GALNT14: variants seen among roughly 807,000 people sequenced by gnomAD.
GALNT14 encodes polypeptide N-acetylgalactosaminyltransferase 14, also known as UDP-GalNAc:polypeptide N-acetylgalactosaminyltransferase 14.
A neutral mutation model predicts 77.5 loss-of-function variants in GALNT14; 60 were observed. That is an observed-to-expected ratio of 0.77 (90% confidence interval 0.63 to 0.96). The LOEUF (loss-of-function observed/expected upper bound fraction) is 0.96. GALNT14 is among the 40% of genes least tolerant of loss of function. GALNT14 has a pLI of 0.00. For missense variants in GALNT14, 710 were observed against 731.0 expected (o/e 0.97, Z 0.33); for synonymous variants, 280 against 281.7 (o/e 0.99, Z 0.06).
At chr2:30,929,901 C>T (rs1230755077) in intron 10 of GALNT14, among the ~76,000 whole-genome samples, 1 of 152,112 alleles carries the variant, frequency 6.6e-6, no homozygotes, top group Non-Finnish European at 1.5e-5. Flanking sequence ...GATATTTTTC[C>T]CTTGGGGATG....
intron 1 of GALNT14, among the ~76,000 whole-genome samples, chr2:31,077,184 G>A (rs1223662841): frequency 6.6e-6 from 1 of 152,158 alleles, no homozygotes; most frequent in Admixed American, 6.5e-5. Flanking sequence ...AAGTAAAACA[G>A]GTACAAAGAG....
At chr2:31,072,249 C>T (rs1675426557) in intron 1 of GALNT14, among the ~76,000 whole-genome samples, 1 of 146,566 alleles carries the variant, frequency 6.8e-6, no homozygotes, top group African/African-American at 2.5e-5. Context: ...TGTCTCCTCT[C>T]TTTTCTCTCT....
chr2:30,986,878 T>A (rs1419298567), intron 2 of GALNT14: 4 of 152,290 alleles, frequency 2.6e-5, no homozygotes, highest in African/African-American at 9.6e-5. Flanking sequence ...ATTGTTGACC[T>A]CATGAGGGGA....
At chr2:30,892,313 C>G in the GALNT14 span, among the ~76,000 whole-genome samples, 6 of 151,970 alleles carry the variant, frequency 3.9e-5, no homozygotes, top group African/African-American at 1.5e-4. Context: ...AATAAAACTC[C>G]AAAAACACGG....
rs116002945 is a variant in GALNT14 at position 31,023,634 on chromosome 2, T to C, written c.130-30627A>G. 2.5e-3 allele frequency among the ~76,000 whole-genome samples: 373 copies of C among 152,238 alleles called. 2 individuals are homozygous for C. Among genetic ancestry groups the C allele is most frequent in the African/African-American group, 8.5e-3 (351 of 41,536 alleles). ...ACTGAAATTGCCTTCCTGAGAATCA[T>C]CATGACTTGCACATGGTTAAATCCA... is the stretch of plus-strand genomic sequence containing the variant. On this transcript the variant is annotated intron_variant, in intron 1 of 14. Coordinates refer to ENST00000349752, the MANE Select transcript of GALNT14 (RefSeq NM_024572.4).
At chr2:30,976,640 T>TGC (rs1553348481) in intron 2 of GALNT14, among the ~76,000 whole-genome samples, 2 of 151,646 alleles carry the variant, frequency 1.3e-5, no homozygotes, top group Admixed American at 6.6e-5. Context: ...TGTGTGTGTG[T>TGC]GCAAAAAAGA....
In GALNT14 at chr2:30,992,963, C is replaced by T. The variant is rs1050520233; in HGVS notation, c.174G>A (p.Glu58=). ...ACTTTTTGGCATTCAGATACCGCCG[C>T]TCATCAAACTGGTCCCACAGGTCGT... ...DWDDLWDQFD[E]RRYLNAKKWR... Residue 58 remains glutamate (E), a synonymous_variant, in exon 2 of 15, where the codon GAG becomes GAA. Coordinates refer to ENST00000349752, the MANE Select transcript of GALNT14 (RefSeq NM_024572.4). 1 of 1,614,162 alleles carries T rather than the reference C, an allele frequency of 6.2e-7. No homozygotes were observed. Among genetic ancestry groups the T allele is most frequent in the Non-Finnish European group, 8.5e-7 (1 of 1,180,028 alleles).
intron 1 of GALNT14, among the ~76,000 whole-genome samples, chr2:31,074,170 G>A (rs1289360712): frequency 6.6e-6 from 1 of 152,172 alleles, no homozygotes; most frequent in Non-Finnish European, 1.5e-5. Context: ...GGGAGACGGT[G>A]CCAGGGAGAC....
intron 1 of GALNT14, among the ~76,000 whole-genome samples, chr2:31,101,008 G>A (rs1287411354): frequency 1.3e-5 from 2 of 151,916 alleles, no homozygotes; most frequent in Non-Finnish European, 2.9e-5. Flanking sequence ...TCAAAGTATG[G>A]TTTCTATTGA....
At chr2:31,051,318 T>G (rs1673851202) in intron 1 of GALNT14, among the ~76,000 whole-genome samples, 1 of 152,206 alleles carries the variant, frequency 6.6e-6, no homozygotes, top group Admixed American at 6.5e-5. Flanking sequence ...TTCTTAGTTG[T>G]GATTAACATT....
rs114959925 is a variant in GALNT14 at position 30,911,694 on chromosome 2, C to T, written c.1500+529G>A. On this transcript the variant is annotated intron_variant, in intron 14 of 14. Coordinates refer to ENST00000349752, the MANE Select transcript of GALNT14 (RefSeq NM_024572.4). ...CATCCAGAGAGGTCCAATAACCTGC[C>T]ATGGGTCACACAGCCTGTAAACCAT... 2.1e-3 allele frequency among the ~76,000 whole-genome samples: 325 copies of T among 152,308 alleles called. 1 individual carries two copies. The highest frequency in any genetic ancestry group is 7.3e-3 in the African/African-American group (304 of 41,572).
intron 1 of GALNT14, among the ~76,000 whole-genome samples, chr2:30,994,300 G>A (rs1019169117): frequency 6.6e-6 from 1 of 152,158 alleles, no homozygotes; most frequent in Non-Finnish European, 1.5e-5. Context: ...TTACTGAGTA[G>A]AATGCACCTC....
chr2:30,967,679 C>A (rs1668096139), intron 2 of GALNT14, among the ~76,000 whole-genome samples: 1 of 152,180 alleles, frequency 6.6e-6, no homozygotes, highest in African/African-American at 2.4e-5. Flanking sequence ...ATGCCCATGG[C>A]CTCTCAGACA....
At chr2:30,970,122 C>T (rs1362840187) in intron 2 of GALNT14, among the ~76,000 whole-genome samples, 3 of 152,172 alleles carry the variant, frequency 2.0e-5, no homozygotes, top group Admixed American at 6.5e-5. Flanking sequence ...CCCAAATCTG[C>T]AGACGACTCT....
intron 1 of GALNT14, among the ~76,000 whole-genome samples, chr2:31,010,117 T>C (rs13010319): frequency 0.27 from 40,852 of 152,138 alleles, 5,604 homozygotes; most frequent in East Asian, 0.4. Context: ...TCCTGAGTAG[T>C]TGGGATTACA....
intron 1 of GALNT14, among the ~76,000 whole-genome samples, chr2:31,080,620 A>C (rs1042403968): frequency 6.6e-6 from 1 of 152,212 alleles, no homozygotes; most frequent in Non-Finnish European, 1.5e-5. Context: ...AGGATGACTT[A>C]TTAAAGAAAA....
At chr2:31,071,934 G>C (rs1675402390) in intron 1 of GALNT14, among the ~76,000 whole-genome samples, 1 of 152,220 alleles carries the variant, frequency 6.6e-6, no homozygotes, top group Admixed American at 6.5e-5. Context: ...CACCCAGAAA[G>C]CGGCCTGGAG....
At chr2:30,888,481 G>A in the GALNT14 span, among the ~76,000 whole-genome samples, 1 of 152,298 alleles carries the variant, frequency 6.6e-6, no homozygotes, top group East Asian at 1.9e-4. Context: ...TCAAAAAAGG[G>A]TTAAGAAGAG....
chr2:30,973,418 C>T (rs1448773663), intron 2 of GALNT14, among the ~76,000 whole-genome samples: 4 of 152,292 alleles, frequency 2.6e-5, no homozygotes, highest in African/African-American at 4.8e-5. Flanking sequence ...CTTTCCAGAA[C>T]GTCAGTTATC....
Sources: allele counts gnomAD v4.1 joint callset (sites outside exome capture counted in the v4.1 genomes callset), GRCh38; gene constraint gnomAD v4.1.1; transcripts MANE v1.5; gene names NCBI Gene and HGNC (gene_info 2026-07-23, HGNC 2026-07-21).